The following HSD17B7 variants were observed in gnomAD, a reference collection of about 807,000 sequenced individuals.
HSD17B7 encodes hydroxysteroid 17-beta dehydrogenase 7, also known as 3-keto-steroid reductase/17-beta-hydroxysteroid dehydrogenase 7.
A neutral mutation model predicts 34.1 loss-of-function variants in HSD17B7; 17 were observed. That is an observed-to-expected ratio of 0.50 (90% CI 0.34 to 0.75). The LOEUF is 0.75. Ranked by LOEUF, HSD17B7 falls within the 30% of genes least tolerant of loss-of-function variation. The pLI is 0.01. For synonymous variants in HSD17B7, 122 were observed against 154.6 expected (o/e 0.79, Z 1.56); for missense variants, 296 against 406.6 (o/e 0.73, Z 2.34).
In HSD17B7 at chr1:162,799,845, T is replaced by A; in HGVS notation, c.550T>A (p.Phe184Ile). ...ARKSNFSLED[F>I]QHSKGKEPYS... ...GAAATCTAATTTCAGCCTCGAGGAC[T>A]TCCAGCACAGCAAAGGCAAGGAACC... Residue 184 changes from phenylalanine to isoleucine, a missense_variant, in exon 5 of 9, where the codon TTC becomes ATC. Phe to Ile is a conservative substitution (Grantham distance 21). Coordinates refer to ENST00000254521, the MANE Select transcript of HSD17B7 (RefSeq NM_016371.4). 1 of 1,614,090 alleles carries A rather than the reference T, an allele frequency of 6.2e-7. No homozygotes were observed. The highest frequency in any genetic ancestry group is 8.5e-7 in the Non-Finnish European group (1 of 1,179,952).
At position 162,812,636 on chromosome 1, in the gene HSD17B7, CCACTGCACTCCAGCCTGGGTGA is replaced by C. The variant is rs538616281; in HGVS notation, c.*219_*240del. ...GAGGTTGCAGTGAGCTGAGATTGTG[CCACTGCACTCCAGCCTGGGTGA>C]CAGCGAGACCCTGTCTCAAAATATG... On this transcript the variant is annotated 3_prime_UTR_variant, in exon 9 of 9. Transcript: ENST00000254521. The C allele has an allele frequency of 2.1e-3, 734 of 354,840 alleles. 4 individuals are homozygous for C. Among genetic ancestry groups the C allele is most frequent in the African/African-American group, 0.014 (672 of 48,084 alleles). The allele number at this position is 354,840 out of a possible 1,614,324, so 22.0% of individuals were successfully genotyped here.
Position 162,803,516 on chromosome 1 carries a change from T to C in HSD17B7, c.728T>C (p.Leu243Ser). 1 of 1,612,838 alleles carries C rather than the reference T, an allele frequency of 6.2e-7. No homozygotes were observed. Residue 243 changes from leucine to serine, a missense_variant, in exon 6 of 9, where the codon TTG becomes TCG. Physicochemically the swap from Leu to Ser is moderately radical, Grantham distance 145 (BLOSUM62 -2). Transcript: ENST00000254521. ...CTGCCTCCGTTTATATGGACGCTGTTGATGCCGGCAATATTGCTAGTAAGT... is the reference window on the plus strand; with the variant it reads ...CTGCCTCCGTTTATATGGACGCTGTCGATGCCGGCAATATTGCTAGTAAGT... ...GILPPFIWTL[L>S]MPAILLLRFF...
At chr1:162,804,000 T>C (rs1331099517) in intron 6 of HSD17B7, among the ~76,000 whole-genome samples, 3 of 152,224 alleles carry the variant, frequency 2.0e-5, no homozygotes, top group Admixed American at 6.5e-5. Context: ...AGGAAATGAT[T>C]CTCTCTTTAG....
At chr1:162,796,428 T>A (rs978681688) in intron 2 of HSD17B7, among the ~76,000 whole-genome samples, 157 bp from the exon 3 acceptor site, 2 of 152,234 alleles carry the variant, frequency 1.3e-5, no homozygotes, top group Non-Finnish European at 2.9e-5. Context: ...GTGCTATAAA[T>A]TCTTCTGAAC....
In HSD17B7 at chr1:162,790,723, G is replaced by T. The variant is rs376443361; in HGVS notation, c.-78G>T. 4.8e-3 allele frequency: 4,458 copies of T among 928,622 alleles called. 54 individuals carry two copies. Among genetic ancestry groups the T allele is most frequent in the East Asian group, 0.047 (1,784 of 37,720 alleles). 57.5% of individuals were successfully genotyped at this position (928,622 alleles called of 1,614,324 possible). Reference sequence around the variant, plus strand: ...GGCCGTACTCTGATTGGTGACGGGTGAGGCGGCCCGAAATCGTAGGACTTC... The same window carrying T: ...GGCCGTACTCTGATTGGTGACGGGTTAGGCGGCCCGAAATCGTAGGACTTC... On this transcript the variant is annotated 5_prime_UTR_variant, in exon 1 of 9. Coordinates refer to ENST00000254521, the MANE Select transcript of HSD17B7 (RefSeq NM_016371.4).
chr1:162,804,156 A>G, intron 6 of HSD17B7, 111 bp from the exon 7 acceptor site: 1 of 645,632 alleles, frequency 1.5e-6, no homozygotes, highest in South Asian at 2.2e-5. Flanking sequence ...TGTTACTTAA[A>G]AAGTGTTCTA....
chr1:162,809,958 G>C (rs1456511813), intron 8 of HSD17B7, among the ~76,000 whole-genome samples: 2 of 151,880 alleles, frequency 1.3e-5, no homozygotes, highest in Non-Finnish European at 2.9e-5. Flanking sequence ...CTTCAGTTCT[G>C]CTCTGATCTT....
intron 5 of HSD17B7, chr1:162,803,003 T>C (rs1461192600): frequency 2.6e-5 from 4 of 155,238 alleles, no homozygotes; most frequent in Admixed American, 6.3e-5. Context: ...GGTTTAGCTG[T>C]CTATTTATTA....
chr1:162,804,512 G>GT (rs1648917872), intron 7 of HSD17B7, among the ~76,000 whole-genome samples, 189 bp downstream of exon 7: 1 of 152,226 alleles, frequency 6.6e-6, no homozygotes, highest in African/African-American at 2.4e-5. Context: ...AAGTTTGCAA[G>GT]TTTAACATCT....
intron 8 of HSD17B7, 115 bp from the exon 9 acceptor site, chr1:162,812,183 C>T (rs920511032): frequency 6.4e-5 from 86 of 1,338,226 alleles, no homozygotes; most frequent in Admixed American, 8.0e-5. Context: ...CCACCATGGC[C>T]CTTTCCTGCT....
intron 8 of HSD17B7, among the ~76,000 whole-genome samples, chr1:162,810,955 G>A (rs1571012624): frequency 6.6e-6 from 1 of 152,268 alleles, no homozygotes; most frequent in African/African-American, 2.4e-5. Context: ...TACATTTAAG[G>A]TTAATATTGT....
At chr1:162,810,397 T>C (rs1178435194) in intron 8 of HSD17B7, among the ~76,000 whole-genome samples, 1 of 152,130 alleles carries the variant, frequency 6.6e-6, no homozygotes, top group East Asian at 1.9e-4. Flanking sequence ...GAATAAGTGC[T>C]GTGTGGTGCT....
At chr1:162,808,921 C>G in intron 8 of HSD17B7, among the ~76,000 whole-genome samples, 2 of 152,126 alleles carry the variant, frequency 1.3e-5, no homozygotes, top group Non-Finnish European at 2.9e-5. Context: ...CAAACAGGGA[C>G]AATTTGACTT....
At position 162,792,842 on chromosome 1, in the gene HSD17B7, C is replaced by T. The variant is rs753721789; in HGVS notation, c.219C>T (p.Ala73=). 3.1e-6 allele frequency: 5 copies of T among 1,614,056 alleles called. No individual in the cohort carries two copies. Among genetic ancestry groups the T allele is most frequent in the Admixed American group, 3.3e-5 (2 of 60,006 alleles). Residue 73 remains alanine (A), a synonymous_variant, in exon 2 of 9, where the codon GCC becomes GCT. Transcript: ENST00000254521. ...GCAACCTGCAGTCGGTCTTCCGGGC[C>T]TCCAAGGAACTTAAGCAAAGGTATA... is the stretch of plus-strand genomic sequence containing the variant. ...DVSNLQSVFR[A]SKELKQRFQR...
intron 3 of HSD17B7, 173 bp from the exon 4 acceptor site, chr1:162,797,629 G>A (rs1223916298): frequency 1.4e-5 from 12 of 857,972 alleles, no homozygotes; most frequent in Admixed American, 3.1e-5. Flanking sequence ...GAGGGTCTTT[G>A]GCATTTCATT....
At chr1:162,804,754 A>C (rs1648924814) in intron 7 of HSD17B7, among the ~76,000 whole-genome samples, 1 of 152,230 alleles carries the variant, frequency 6.6e-6, no homozygotes, top group Non-Finnish European at 1.5e-5. Flanking sequence ...TCCCTCTCTT[A>C]GAAGATCAAG....
chr1:162,811,045 G>T (rs1338611589), intron 8 of HSD17B7, among the ~76,000 whole-genome samples: 24 of 152,172 alleles, frequency 1.6e-4, no homozygotes, highest in Non-Finnish European at 2.4e-4. Flanking sequence ...TCCTAGCATC[G>T]CTGGTCTTTA....
chr1:162,812,429 C>A lies in HSD17B7; in HGVS notation c.*9C>A, dbSNP rs370587706. On this transcript the variant is annotated 3_prime_UTR_variant, in exon 9 of 9. Transcript: ENST00000254521. The stretch of plus-strand genomic sequence containing the variant: ...GTGGCTCATGCCTATAATTCCAGCA[C>A]TTTGGGAGGCCAAGGCAGAAGGATC... The A allele has an allele frequency of 1.9e-6, 3 of 1,571,118 alleles. No homozygotes were observed. The highest frequency in any genetic ancestry group is 2.6e-6 in the Non-Finnish European group (3 of 1,155,450).
At chr1:162,806,266 G>C (rs1648978582) in intron 8 of HSD17B7, among the ~76,000 whole-genome samples, 1 of 152,148 alleles carries the variant, frequency 6.6e-6, no homozygotes, top group Non-Finnish European at 1.5e-5. Flanking sequence ...AAGATAAAAT[G>C]AGATTGAGGT....
Sources: allele counts gnomAD v4.1 joint callset (sites outside exome capture counted in the v4.1 genomes callset), GRCh38; gene constraint gnomAD v4.1.1; transcripts MANE v1.5; gene names NCBI Gene and HGNC (gene_info 2026-07-23, HGNC 2026-07-21).